Variants in TEX26 observed in about 807,000 individuals in gnomAD.
TEX26 encodes testis-expressed protein 26.
TEX26 carries 34 observed loss-of-function variants against 35.3 expected under a neutral mutation model. The ratio of observed to expected loss-of-function variants is 0.96; its 90% CI spans 0.73 to 1.28. The LOEUF (loss-of-function observed/expected upper bound fraction) is 1.28. Ranked by LOEUF, TEX26 falls within the 50% of genes most tolerant of loss-of-function variation. The probability of loss-of-function intolerance (pLI) is 0.00; values close to 1 mark genes in which losing one functional copy is unlikely to be tolerated. For missense variants in TEX26, 371 were observed against 330.1 expected, an observed-to-expected ratio of 1.12 and a Z score of -0.96; for synonymous variants, 136 against 111.8, an observed-to-expected ratio of 1.22 and a Z score of -1.36.
Position 30,949,364 on chromosome 13 carries a change from G to A in TEX26, c.147-3296G>A, listed in dbSNP as rs199996995. Among the ~76,000 whole-genome samples the A allele has an allele frequency of 2.6e-5, 4 of 152,050 alleles. No individual in the cohort carries two copies. In the East Asian group the frequency reaches 7.7e-4, roughly 29 times the overall value. On this transcript the variant is annotated intron_variant, in intron 2 of 6. Transcript: ENST00000380473. ...TGGAGCTGAACATTTAGCTTATCCGGTTTATACCATCTTTACCTAGTTGGT... is the reference window on the plus strand; with the variant it reads ...TGGAGCTGAACATTTAGCTTATCCGATTTATACCATCTTTACCTAGTTGGT...
At chr13:30,967,457 G>T (rs539533067) in intron 5 of TEX26, among the ~76,000 whole-genome samples, 129 of 152,248 alleles carry the variant, frequency 8.5e-4, no homozygotes, top group Non-Finnish European at 1.4e-3. Context: ...AATATTCCTT[G>T]CTAAACTTCT....
intron 2 of TEX26, among the ~76,000 whole-genome samples, chr13:30,941,093 G>C (rs1377085299): frequency 6.6e-6 from 1 of 152,194 alleles, no homozygotes; most frequent in African/African-American, 2.4e-5. Context: ...CAAGTAACAA[G>C]CCATCTGGGG....
chr13:30,947,641 C>T (rs1953761350), intron 2 of TEX26, among the ~76,000 whole-genome samples: 1 of 152,118 alleles, frequency 6.6e-6, no homozygotes, highest in Non-Finnish European at 1.5e-5. Context: ...TAAATTGCAC[C>T]TGTTACTCTT....
chr13:30,960,493 C>T (rs562641706), intron 4 of TEX26, among the ~76,000 whole-genome samples: 8 of 152,296 alleles, frequency 5.3e-5, no homozygotes, highest in African/African-American at 1.7e-4. Flanking sequence ...AATCCACCCA[C>T]CTCAGCCTCC....
intron 6 of TEX26, among the ~76,000 whole-genome samples, chr13:30,972,824 G>A (rs57404771): frequency 6.6e-6 from 1 of 152,242 alleles, no homozygotes; most frequent in African/African-American, 2.4e-5. Context: ...TTTAGTAGAG[G>A]CAGGGTTTGG....
chr13:30,936,752 T>G, intron 1 of TEX26: 1 of 985,008 alleles, frequency 1.0e-6, no homozygotes, highest in South Asian at 4.7e-5. Flanking sequence ...GAACAGAAAA[T>G]GAGAGAAGAA....
intron 5 of TEX26, among the ~76,000 whole-genome samples, chr13:30,967,654 C>A: frequency 6.6e-6 from 1 of 152,214 alleles, no homozygotes; most frequent in African/African-American, 2.4e-5. Flanking sequence ...TGGCCAATGA[C>A]CCCTTAAAGG....
intron 6 of TEX26, chr13:30,973,450 G>C (rs974889076): frequency 6.6e-6 from 1 of 152,040 alleles, no homozygotes; most frequent in African/African-American, 2.4e-5. Context: ...TGTGGTCGTG[G>C]GTTACAGTAA....
chr13:30,973,074 T>G (rs1954766155), intron 6 of TEX26, among the ~76,000 whole-genome samples: 1 of 152,228 alleles, frequency 6.6e-6, no homozygotes, highest in Admixed American at 6.5e-5. Flanking sequence ...CAAAAGGACA[T>G]GTACAAGAAT....
chr13:30,957,197 G>T (rs931467802), intron 4 of TEX26, among the ~76,000 whole-genome samples, 168 bp downstream of exon 4: 13 of 152,094 alleles, frequency 8.5e-5, no homozygotes, highest in African/African-American at 3.1e-4. Context: ...TGCACCTTGT[G>T]GGAAATGCAG....
In TEX26 at chr13:30,939,778, G is replaced by T; in HGVS notation, c.146G>T (p.Arg49Leu). 1 of 1,612,520 alleles carries T rather than the reference G, an allele frequency of 6.2e-7. No homozygotes were observed. Among genetic ancestry groups the T allele is most frequent in the Non-Finnish European group, 8.5e-7 (1 of 1,178,778 alleles). The stretch of plus-strand genomic sequence containing the variant: ...ACAGGAGCAGTGCCTGCCTTAATTC[G>T]GTAGATCATTATTTGTGTTGGATTG... Reference protein sequence around the residue: ...PKTGAVPALIRQNGIRRLGYT... With the variant: ...PKTGAVPALILQNGIRRLGYT... The change falls in exon 2 of 7, where the codon CGC (arginine) becomes CTC (leucine). Residue 49 changes from arginine (R) to leucine (L), a missense_variant and splice_region_variant. Coordinates refer to ENST00000380473, the MANE Select transcript of TEX26 (RefSeq NM_152325.3).
chr13:30,939,297 C>G (rs1043063143), intron 1 of TEX26, among the ~76,000 whole-genome samples: 2 of 152,124 alleles, frequency 1.3e-5, no homozygotes, highest in African/African-American at 4.8e-5. Context: ...TAATATGATC[C>G]TGTGTGTGTA....
intron 2 of TEX26, among the ~76,000 whole-genome samples, chr13:30,949,221 TTA>T (rs998238534): frequency 6.6e-6 from 1 of 152,104 alleles, no homozygotes; most frequent in Non-Finnish European, 1.5e-5. Context: ...AAAAACTACT[TTA>T]AAGTTCATAT....
intron 2 of TEX26, among the ~76,000 whole-genome samples, chr13:30,947,390 T>C (rs1399319091): frequency 6.6e-6 from 1 of 152,156 alleles, no homozygotes; most frequent in Non-Finnish European, 1.5e-5. Flanking sequence ...TAGAAATAAG[T>C]AAGTGCAAAT....
chr13:30,957,309 A>C (rs1954176032), intron 4 of TEX26, among the ~76,000 whole-genome samples: 1 of 152,156 alleles, frequency 6.6e-6, no homozygotes, highest in Non-Finnish European at 1.5e-5. Flanking sequence ...TTAGCCAGGC[A>C]AAGAGGTAGG....
At chr13:30,966,729 G>A (rs1954550941) in intron 5 of TEX26, among the ~76,000 whole-genome samples, 1 of 152,158 alleles carries the variant, frequency 6.6e-6, no homozygotes, top group Non-Finnish European at 1.5e-5. Flanking sequence ...TGGAGTTACA[G>A]GCATGAGCCC....
chr13:30,948,468 A>G (rs898103742), intron 2 of TEX26, among the ~76,000 whole-genome samples: 1 of 152,022 alleles, frequency 6.6e-6, no homozygotes, highest in Non-Finnish European at 1.5e-5. Context: ...TGTGGTTTTG[A>G]TTTGCATTTC....
intron 1 of TEX26, chr13:30,933,856 T>C (rs1953166295): frequency 6.6e-6 from 1 of 152,218 alleles, no homozygotes; most frequent in Admixed American, 6.5e-5. Flanking sequence ...CTGGGAACTG[T>C]TGGAGTCCCC....
chr13:30,963,377 G>A (rs1019944316), intron 4 of TEX26, among the ~76,000 whole-genome samples: 5 of 152,160 alleles, frequency 3.3e-5, no homozygotes, highest in African/African-American at 1.2e-4. Context: ...GCACAAATAC[G>A]GGGGTTTTAG....
Sources: allele counts gnomAD v4.1 joint callset (sites outside exome capture counted in the v4.1 genomes callset), GRCh38; gene constraint gnomAD v4.1.1; transcripts MANE v1.5; gene names NCBI Gene and HGNC (gene_info 2026-07-23, HGNC 2026-07-21).